Variants in MAST2 observed in about 807,000 individuals in gnomAD.
MAST2 encodes microtubule-associated serine/threonine-protein kinase 2.
Under a neutral mutation model 147.4 loss-of-function variants are expected in MAST2, and 70 were observed. That is an observed-to-expected ratio of 0.47 (90% CI 0.39 to 0.58). The LOEUF is 0.58. Ranked by LOEUF, MAST2 falls within the 20% of genes least tolerant of loss-of-function variation. The probability of loss-of-function intolerance (pLI) is 0.00; values close to 1 mark genes in which losing one functional copy is unlikely to be tolerated. For missense variants in MAST2, 2,080 were observed against 2,302.3 expected (o/e 0.90, Z 1.98); for synonymous variants, 869 against 896.8 (o/e 0.97, Z 0.55).
At chr1:45,970,803 T>TTG (rs1197023559) in intron 5 of MAST2, among the ~76,000 whole-genome samples, 2 of 150,658 alleles carry the variant, frequency 1.3e-5, no homozygotes, top group African/African-American at 4.9e-5. Flanking sequence ...GAAGTGTTTT[T>TTG]TTTTTTTTTT....
At position 46,035,816 on chromosome 1, in the gene MAST2, C is replaced by T. The variant is rs1646881983; in HGVS notation, c.5147C>T (p.Pro1716Leu). The change falls in exon 29 of 29, where the codon CCA (proline) becomes CTA (leucine). Residue 1716 changes from proline to leucine, a missense_variant. By Grantham distance (98) the Pro-to-Leu change is moderately conservative (BLOSUM62 -3). This residue lies in a region of MAST2 where 1,278 missense variants were observed against 1,304.2 expected (regional missense o/e 0.98). Transcript: ENST00000361297. This position sits in a 1 kb window ranked among gnomAD's most constrained non-coding sequence, Gnocchi z 5.5. ...QPPSAPRLAHPSYEDPSQGWL... is the reference protein window; with the variant it reads ...QPPSAPRLAHLSYEDPSQGWL... ...CCTAGTGCCCCCAGACTGGCCCATCCATCTTATGAGGATCCCAGCCAGGGC... is the reference window on the plus strand; with the variant it reads ...CCTAGTGCCCCCAGACTGGCCCATCTATCTTATGAGGATCCCAGCCAGGGC... 6.2e-7 allele frequency: 1 copy of T among 1,614,112 alleles called. No homozygotes were observed. The highest frequency in any genetic ancestry group is 1.7e-4 in the Middle Eastern group (1 of 6,060).
Position 46,030,607 on chromosome 1 carries a change from G to C in MAST2, c.2554G>C (p.Val852Leu). 1.2e-6 allele frequency: 2 copies of C among 1,607,876 alleles called. No homozygotes were observed. Among genetic ancestry groups the C allele is most frequent in the Non-Finnish European group, 8.5e-7 (1 of 1,178,174 alleles). The change falls in exon 22 of 29, where the codon GTG becomes CTG. Residue 852 changes from valine to leucine, a missense_variant and splice_region_variant. Val to Leu is a conservative substitution (Grantham distance 32). Transcript: ENST00000361297. The stretch of plus-strand genomic sequence containing the variant: ...CCCAGCGCATCCCCTGTGCCCACAG[G>C]TGTACAGCAGCATGGAGCGGCTCTC... ...FSSCSPRFNK[V>L]YSSMERLSLL... is the part of the protein sequence containing the mutation.
At chr1:45,931,138 A>G (rs1187157034) in intron 4 of MAST2, among the ~76,000 whole-genome samples, 3 of 152,202 alleles carry the variant, frequency 2.0e-5, no homozygotes, top group African/African-American at 4.8e-5. Context: ...TTGTAACAGA[A>G]GGCTCCGATC....
chr1:45,906,459 A>G (rs963872873), intron 4 of MAST2, among the ~76,000 whole-genome samples: 22 of 151,874 alleles, frequency 1.4e-4, no homozygotes, highest in African/African-American at 5.3e-4. Context: ...GCAGTACAAT[A>G]TGTGTTTTAA....
intron 3 of MAST2, among the ~76,000 whole-genome samples, chr1:45,837,664 A>G (rs1645143105): frequency 6.6e-6 from 1 of 152,184 alleles, no homozygotes; most frequent in Non-Finnish European, 1.5e-5. Flanking sequence ...TGGAATGTAT[A>G]TTTACCAGTG....
intron 3 of MAST2, among the ~76,000 whole-genome samples, chr1:45,841,382 T>C (rs1406752303): frequency 6.6e-6 from 1 of 152,082 alleles, no homozygotes; most frequent in Non-Finnish European, 1.5e-5. Flanking sequence ...TAGTTATTAG[T>C]AGCTGTGATA....
chr1:45,879,856 C>A (rs905650618), intron 3 of MAST2, among the ~76,000 whole-genome samples: 1 of 152,102 alleles, frequency 6.6e-6, no homozygotes, highest in African/African-American at 2.4e-5. Context: ...CCCGTACACA[C>A]CTAAATGGCT....
chr1:46,022,389 T>A (rs1646225980), intron 12 of MAST2, among the ~76,000 whole-genome samples: 1 of 152,206 alleles, frequency 6.6e-6, no homozygotes, highest in Admixed American at 6.5e-5. Context: ...AATGGTCACC[T>A]CCTCTGCAAC....
intron 1 of MAST2, among the ~76,000 whole-genome samples, chr1:45,807,761 C>T (rs1002179678): frequency 2.6e-5 from 4 of 152,086 alleles, no homozygotes; most frequent in African/African-American, 7.2e-5. Context: ...AGGCTGATCT[C>T]GAACTCCTGA....
At chr1:46,029,373 G>A in intron 18 of MAST2, 93 bp from the exon 19 acceptor site, 1 of 1,044,016 alleles carries the variant, frequency 9.6e-7, no homozygotes, top group Non-Finnish European at 1.4e-6. Context: ...GGTCCTTTTT[G>A]CCTCCTTTCC....
At position 45,916,863 on chromosome 1, in the gene MAST2, G is replaced by A. The variant is rs143477258; in HGVS notation, c.500+34468G>A. Among the ~76,000 whole-genome samples, 7 of 152,244 alleles carry A rather than the reference G, an allele frequency of 4.6e-5. No homozygotes were observed. In the East Asian group the frequency reaches 1.2e-3, roughly 25 times the overall value. On this transcript the variant is annotated intron_variant, in intron 4 of 28. Coordinates refer to ENST00000361297, the MANE Select transcript of MAST2 (RefSeq NM_015112.3). Reference sequence around the variant, plus strand: ...GGAGGCCGAGGCGGGTGGATCACTCGAGGTCAGGAGTTCGAGACCAGACTG... The same window carrying A: ...GGAGGCCGAGGCGGGTGGATCACTCAAGGTCAGGAGTTCGAGACCAGACTG...
intron 3 of MAST2, among the ~76,000 whole-genome samples, chr1:45,852,224 C>T (rs572903767): frequency 1.3e-5 from 2 of 152,232 alleles, no homozygotes; most frequent in East Asian, 3.9e-4. Flanking sequence ...GTGTAATGGC[C>T]ACCACCACAA....
At chr1:45,855,610 G>T (rs1217460244) in intron 3 of MAST2, among the ~76,000 whole-genome samples, 3 of 150,508 alleles carry the variant, frequency 2.0e-5, no homozygotes, top group Non-Finnish European at 3.0e-5. Flanking sequence ...TTTTTTTTTT[G>T]CAACTTTAAA....
chr1:45,861,754 A>G (rs1645988752), intron 3 of MAST2, among the ~76,000 whole-genome samples: 1 of 151,734 alleles, frequency 6.6e-6, no homozygotes, highest in African/African-American at 2.4e-5. Context: ...GAGTATGGAG[A>G]GTTAAATGCA....
At chr1:45,935,091 A>G (rs769609724) in intron 4 of MAST2, among the ~76,000 whole-genome samples, 1 of 152,178 alleles carries the variant, frequency 6.6e-6, no homozygotes, top group African/African-American at 2.4e-5. Context: ...ATTAATAACC[A>G]TTCTGGTTAG....
In MAST2 at chr1:46,021,109, CA is replaced by C. The variant is rs548701188; in HGVS notation, c.1291-838del. 1.2e-4 allele frequency among the ~76,000 whole-genome samples: 19 copies of C among 152,136 alleles called. 1 individual carries two copies. In the East Asian group the frequency reaches 3.7e-3, roughly 29 times the overall value. ...GTATTTATGAGAGAGACATTCTGAC[CA>C]AATAGGAGCTAAGGAAGGATAAGAA... On this transcript the variant is annotated intron_variant, in intron 11 of 28. Coordinates refer to ENST00000361297, the MANE Select transcript of MAST2 (RefSeq NM_015112.3).
chr1:45,888,195 ATT>A (rs957870720), intron 4 of MAST2, among the ~76,000 whole-genome samples: 1 of 152,138 alleles, frequency 6.6e-6, no homozygotes, highest in African/African-American at 2.4e-5. Flanking sequence ...AATCTGAGTC[ATT>A]GTCTTTCTCA....
intron 3 of MAST2, among the ~76,000 whole-genome samples, chr1:45,845,571 A>C (rs1024462314): frequency 2.6e-5 from 4 of 152,168 alleles, no homozygotes; most frequent in Admixed American, 2.6e-4. Context: ...TACAACATTT[A>C]TGTTTTTCAT....
chr1:45,888,666 T>C (rs1442947662), intron 4 of MAST2, among the ~76,000 whole-genome samples: 2 of 8,790 alleles, frequency 2.3e-4, no homozygotes, highest in East Asian at 3.3e-3. Context: ...GCGGCCTCTT[T>C]TTTTTTTTTT....
Sources: gnomAD v4.1 joint callset for allele counts (sites outside exome capture counted in the v4.1 genomes callset) on GRCh38, gnomAD v4.1.1 for gene constraint, gnomAD v4.1.1 regional missense constraint, Gnocchi (gnomAD v3.1) non-coding constraint, MANE v1.5 for transcripts, NCBI Gene and HGNC (gene_info 2026-07-23, HGNC 2026-07-21) for gene names.